The following POLR3B variants were observed in gnomAD, a reference collection of about 807,000 sequenced individuals.
The protein encoded by POLR3B is DNA-directed RNA polymerase III subunit RPC2.
Under a neutral mutation model 147.4 loss-of-function variants are expected in POLR3B, and 96 were observed. The observed-to-expected ratio is 0.65, with a 90% CI of 0.55 to 0.77. POLR3B has a LOEUF of 0.77. Ranked by LOEUF, POLR3B falls within the 30% of genes least tolerant of loss-of-function variation. The pLI, the probability that POLR3B is intolerant of heterozygous loss-of-function variation, is 0.00. For missense variants in POLR3B, 1,036 were observed against 1,413.5 expected, an observed-to-expected ratio of 0.73 and a Z score of 4.28; for synonymous variants, 461 against 485.9, an observed-to-expected ratio of 0.95 and a Z score of 0.67.
At chr12:106,413,484 A>T (rs375096032) in intron 12 of POLR3B, among the ~76,000 whole-genome samples, 2 of 151,912 alleles carry the variant, frequency 1.3e-5, no homozygotes, top group Non-Finnish European at 2.9e-5. Flanking sequence ...ACCTTATAGG[A>T]TTGTTATGGG....
intron 27 of POLR3B, among the ~76,000 whole-genome samples, chr12:106,507,469 C>T (rs911017198): frequency 3.9e-5 from 6 of 152,154 alleles, no homozygotes; most frequent in Non-Finnish European, 7.4e-5. Flanking sequence ...GGAGAAGAAG[C>T]GAAAGGTACC....
At chr12:106,411,127 CATTA>C (rs1488046493) in intron 12 of POLR3B, among the ~76,000 whole-genome samples, 167 bp downstream of exon 12, 4 of 152,018 alleles carry the variant, frequency 2.6e-5, no homozygotes, top group Non-Finnish European at 5.9e-5. Flanking sequence ...ACTATAAAAA[CATTA>C]ATTCTTTTTT....
intron 1 of POLR3B, 22 bp downstream of exon 1, chr12:106,357,973 A>G (rs937166088): frequency 6.2e-7 from 1 of 1,610,618 alleles, no homozygotes. Context: ...GCACGCAGGG[A>G]GCGTCAGGGA....
intron 23 of POLR3B, among the ~76,000 whole-genome samples, chr12:106,468,523 A>C (rs921337575): frequency 2.0e-5 from 3 of 151,818 alleles, no homozygotes; most frequent in Non-Finnish European, 2.9e-5. Context: ...TAGTTCTTTT[A>C]ATTGTGATGT....
chr12:106,385,824 G>A (rs751960384), intron 9 of POLR3B, among the ~76,000 whole-genome samples: 1 of 152,200 alleles, frequency 6.6e-6, no homozygotes, highest in Non-Finnish European at 1.5e-5. Context: ...GTGCTTTTGA[G>A]TTCTATAAAT....
At chr12:106,454,985 G>A (rs756295792) in intron 20 of POLR3B, among the ~76,000 whole-genome samples, 9 of 151,866 alleles carry the variant, frequency 5.9e-5, no homozygotes, top group Non-Finnish European at 8.8e-5. Flanking sequence ...GAAAAAAAAT[G>A]TAAGAATGTG....
intron 10 of POLR3B, among the ~76,000 whole-genome samples, chr12:106,394,171 G>A (rs1015363647): frequency 4.6e-5 from 7 of 152,186 alleles, no homozygotes; most frequent in Admixed American, 2.0e-4. Flanking sequence ...TAGGAAGATC[G>A]AAATAGGTCA....
chr12:106,366,688 G>C lies in POLR3B; in HGVS notation c.193G>C (p.Val65Leu), dbSNP rs767784504. The C allele has an allele frequency of 4.3e-6, 7 of 1,613,888 alleles. No individual in the cohort carries two copies. Among genetic ancestry groups the C allele is most frequent in the African/African-American group, 1.3e-5 (1 of 75,044 alleles). The change falls in exon 4 of 28, where the codon GTT (valine) becomes CTT (leucine). Residue 65 changes from valine to leucine, a missense_variant. By Grantham distance (32) the Val-to-Leu change is conservative. Around this residue, in one of 12 missense-constraint regions of POLR3B, gnomAD observed 150 missense variants for 145.5 expected, o/e 1.03. Transcript: ENST00000228347. ...GAAGATAATGAAAGCCAATGAAAAGGTTACAAGTGACGCTGACCCTATGTG... is the reference window on the plus strand; with the variant it reads ...GAAGATAATGAAAGCCAATGAAAAGCTTACAAGTGACGCTGACCCTATGTG... ...IKKIMKANEK[V>L]TSDADPMWYL...
At chr12:106,486,092 G>A (rs1382171771) in intron 23 of POLR3B, among the ~76,000 whole-genome samples, 19 of 151,650 alleles carry the variant, frequency 1.3e-4, no homozygotes, top group African/African-American at 1.7e-4. Flanking sequence ...GATCGAGACC[G>A]TCCTGGCTAA....
At chr12:106,390,506 A>G (rs1030149129) in intron 9 of POLR3B, among the ~76,000 whole-genome samples, 17 of 152,236 alleles carry the variant, frequency 1.1e-4, no homozygotes, top group African/African-American at 3.1e-4. Flanking sequence ...TTTAAAAATT[A>G]GAACTGGTAA....
chr12:106,463,869 A>G (rs1277174281), intron 23 of POLR3B, among the ~76,000 whole-genome samples: 2 of 152,166 alleles, frequency 1.3e-5, no homozygotes, highest in South Asian at 4.1e-4. Context: ...AATTATAATT[A>G]TAGATACAGT....
chr12:106,387,177 C>T (rs2036852007), intron 9 of POLR3B, among the ~76,000 whole-genome samples: 1 of 152,188 alleles, frequency 6.6e-6, no homozygotes. Context: ...GACAGTTTTC[C>T]TGTGCTTTTG....
intron 23 of POLR3B, among the ~76,000 whole-genome samples, chr12:106,477,284 G>T (rs527682632): frequency 0.012 from 1,235 of 106,368 alleles, 130 homozygotes; most frequent in Non-Finnish European, 0.017. Context: ...TGTCAGACAG[G>T]GACATTTAAG....
intron 13 of POLR3B, among the ~76,000 whole-genome samples, chr12:106,427,797 G>T (rs2037457939): frequency 6.6e-6 from 1 of 152,140 alleles, no homozygotes; most frequent in African/African-American, 2.4e-5. Flanking sequence ...AATGAATTCA[G>T]TTCTGGATGA....
At chr12:106,423,781 C>T (rs1266037752) in intron 12 of POLR3B, among the ~76,000 whole-genome samples, 3 of 152,094 alleles carry the variant, frequency 2.0e-5, no homozygotes, top group Non-Finnish European at 2.9e-5. Context: ...AGAAGTAATG[C>T]TTTTCCAACC....
intron 10 of POLR3B, among the ~76,000 whole-genome samples, chr12:106,397,671 T>C (rs995657829): frequency 6.6e-6 from 1 of 152,232 alleles, no homozygotes; most frequent in Admixed American, 6.5e-5. Flanking sequence ...ATGTCAGTTA[T>C]CCATGTAGTT....
chr12:106,398,611 G>A (rs1483735405), intron 10 of POLR3B, among the ~76,000 whole-genome samples: 1 of 152,128 alleles, frequency 6.6e-6, no homozygotes, highest in Admixed American at 6.5e-5. Context: ...ACCTCACACG[G>A]CCAGGTACTC....
At chr12:106,466,222 A>T (rs929013875) in intron 23 of POLR3B, among the ~76,000 whole-genome samples, 1 of 152,086 alleles carries the variant, frequency 6.6e-6, no homozygotes, top group Non-Finnish European at 1.5e-5. Context: ...GCATTTTTTC[A>T]TATGTCTGTT....
Position 106,433,718 on chromosome 12 carries a change from G to C in POLR3B, c.1628-1G>C, listed in dbSNP as rs929121557. On this transcript the variant is annotated splice_acceptor_variant, in intron 15 of 27. Transcript: ENST00000228347. LOFTEE classifies it high-confidence loss of function. ...CTTACCTGTTCTTTCTTTTTGCCTA[G>C]GTAACATCTTAGGTGTCATTCGAGA... is the stretch of plus-strand genomic sequence containing the variant. 6.2e-7 allele frequency: 1 copy of C among 1,611,922 alleles called. No individual in the cohort carries two copies. Among genetic ancestry groups the C allele is most frequent in the Non-Finnish European group, 8.5e-7 (1 of 1,179,136 alleles).
Sources: allele counts gnomAD v4.1 joint callset (sites outside exome capture counted in the v4.1 genomes callset), GRCh38; gene constraint gnomAD v4.1.1; regional missense constraint gnomAD v4.1.1; transcripts MANE v1.5; gene names NCBI Gene and HGNC (gene_info 2026-07-23, HGNC 2026-07-21).